The following CD96 variants were observed in gnomAD, a reference collection of about 807,000 sequenced individuals.
The protein encoded by CD96 is CD96 molecule.
In CD96, 70 loss-of-function variants were observed where a neutral mutation model predicts 71.3. The ratio of observed to expected loss-of-function variants is 0.98; its 90% CI spans 0.81 to 1.20. CD96 has a LOEUF of 1.20. Among genes scored for constraint, CD96 ranks in the 50% most tolerant of loss-of-function variants. CD96 has a pLI of 0.00. For missense variants in CD96, 742 were observed against 677.5 expected (o/e 1.10, Z -1.06); for synonymous variants, 248 against 233.0 (o/e 1.06, Z -0.59).
At chr3:111,655,672 T>C (rs1940211792), downstream of CD96, among the ~76,000 whole-genome samples, 1 of 152,060 alleles carries the variant, frequency 6.6e-6, no homozygotes, top group Non-Finnish European at 1.5e-5. Context: ...TAATATAATT[T>C]ACCATATAAA....
intron 14 of CD96, among the ~76,000 whole-genome samples, chr3:111,662,421 G>C (rs1006575717): frequency 1.5e-4 from 23 of 152,192 alleles, no homozygotes; most frequent in Non-Finnish European, 3.2e-4. Context: ...CCCAGAAAAT[G>C]GATTTTTCTT....
At chr3:111,601,291 T>C (rs1383220272) in intron 7 of CD96, among the ~76,000 whole-genome samples, 1 of 152,166 alleles carries the variant, frequency 6.6e-6, no homozygotes, top group Non-Finnish European at 1.5e-5. Flanking sequence ...TTCTGCATCA[T>C]TAGAAACATT....
intron 12 of CD96, among the ~76,000 whole-genome samples, chr3:111,647,081 T>A (rs1315815257): frequency 9.5e-4 from 92 of 97,292 alleles, no homozygotes; most frequent in Middle Eastern, 6.8e-3. Context: ...GAGAGGAGGG[T>A]AAAGATTAAA....
intron 12 of CD96, among the ~76,000 whole-genome samples, chr3:111,638,397 C>T (rs780210768): frequency 1.3e-5 from 2 of 152,066 alleles, no homozygotes; most frequent in African/African-American, 2.4e-5. Flanking sequence ...CAGGGTCAAA[C>T]AGGAAGTTCT....
At chr3:111,607,687 C>G (rs1399397146) in intron 8 of CD96, among the ~76,000 whole-genome samples, 1 of 152,142 alleles carries the variant, frequency 6.6e-6, no homozygotes, top group Admixed American at 6.5e-5. Flanking sequence ...GGCTGGTAAC[C>G]TTTGGCATGT....
At chr3:111,547,409 A>T (rs1489909256) in intron 2 of CD96, among the ~76,000 whole-genome samples, 1 of 149,820 alleles carries the variant, frequency 6.7e-6, no homozygotes, top group East Asian at 1.9e-4. Context: ...CCTTGGTTTC[A>T]TACATAGTTT....
chr3:111,586,556 A>G (rs1288010147), intron 5 of CD96, among the ~76,000 whole-genome samples: 1 of 152,220 alleles, frequency 6.6e-6, no homozygotes, highest in Middle Eastern at 3.2e-3. Flanking sequence ...GGTAATTTAT[A>G]CAGGGAAAAG....
chr3:111,660,424 TAA>T, intron 14 of CD96, among the ~76,000 whole-genome samples: 1 of 152,206 alleles, frequency 6.6e-6, no homozygotes, highest in Non-Finnish European at 1.5e-5. Flanking sequence ...CAATATTTTT[TAA>T]ATGGCCATAC....
At chr3:111,582,160 T>C (rs927161448) in intron 4 of CD96, among the ~76,000 whole-genome samples, 1 of 152,224 alleles carries the variant, frequency 6.6e-6, no homozygotes. Flanking sequence ...CAATAAATCA[T>C]TATGCAAAGA....
At chr3:111,607,490 C>G (rs1010093278) in intron 8 of CD96, among the ~76,000 whole-genome samples, 7 of 152,122 alleles carry the variant, frequency 4.6e-5, no homozygotes, top group African/African-American at 1.7e-4. Flanking sequence ...CATAAATTCC[C>G]ACGTCTGTGG....
rs568155531 is a variant in CD96 at position 111,593,667 on chromosome 3, G to A, written c.808-4453G>A. 15 of 1,610,622 alleles carry A rather than the reference G, an allele frequency of 9.3e-6. No homozygotes were observed. The Admixed American group carries it at 1.2e-4, about 13-fold the overall frequency. On this transcript the variant is annotated intron_variant, in intron 5 of 13. Coordinates refer to ENST00000352690, the MANE Select transcript of CD96 (RefSeq NM_005816.5). ...GCCCTTTCCACCTCCTCCAGGGCTCGCTCCCTTTTTTCCACAGCCCTCTCC... is the reference window on the plus strand; with the variant it reads ...GCCCTTTCCACCTCCTCCAGGGCTCACTCCCTTTTTTCCACAGCCCTCTCC...
intron 7 of CD96, among the ~76,000 whole-genome samples, chr3:111,604,330 G>A (rs1350437174): frequency 6.6e-6 from 1 of 152,158 alleles, no homozygotes; most frequent in African/African-American, 2.4e-5. Context: ...TATGGTAAAT[G>A]CAATGATCTG....
intron 5 of CD96, among the ~76,000 whole-genome samples, chr3:111,587,626 C>G (rs867118194): frequency 6.6e-6 from 1 of 152,236 alleles, no homozygotes; most frequent in Admixed American, 6.5e-5. Flanking sequence ...TCCTTTTGCA[C>G]TGCCCTAGGT....
chr3:111,658,937 T>A (rs968868915), intron 14 of CD96, among the ~76,000 whole-genome samples: 1 of 152,208 alleles, frequency 6.6e-6, no homozygotes, highest in Admixed American at 6.5e-5. Flanking sequence ...CCTCCTCAAT[T>A]TTCTGGAATA....
chr3:111,557,057 T>C (rs1935098890), intron 2 of CD96, among the ~76,000 whole-genome samples: 1 of 119,032 alleles, frequency 8.4e-6, no homozygotes, highest in Admixed American at 8.1e-5. Flanking sequence ...GGGTTGTTTG[T>C]TTTTTTCTTG....
intron 5 of CD96, among the ~76,000 whole-genome samples, chr3:111,587,306 G>C (rs1201161952): frequency 1.3e-5 from 2 of 152,182 alleles, no homozygotes; most frequent in African/African-American, 4.8e-5. Context: ...AGCTTTTCCA[G>C]GCACACAGTG....
At chr3:111,638,732 G>C (rs1227193221) in intron 12 of CD96, among the ~76,000 whole-genome samples, 1 of 152,198 alleles carries the variant, frequency 6.6e-6, no homozygotes, top group African/African-American at 2.4e-5. Flanking sequence ...CACTTGACTA[G>C]TGAATGCCAC....
intron 13 of CD96, among the ~76,000 whole-genome samples, chr3:111,649,124 A>G (rs1939964208): frequency 6.6e-6 from 1 of 152,184 alleles, no homozygotes; most frequent in Non-Finnish European, 1.5e-5. Flanking sequence ...GTTAGCAAAG[A>G]GGCTGTATGA....
At chr3:111,548,319 A>G (rs1934519620) in intron 2 of CD96, among the ~76,000 whole-genome samples, 1 of 152,138 alleles carries the variant, frequency 6.6e-6, no homozygotes. Context: ...CCAAGGGCCT[A>G]GCTGTGAAAG....
Sources: allele counts gnomAD v4.1 joint callset (sites outside exome capture counted in the v4.1 genomes callset), GRCh38; gene constraint gnomAD v4.1.1; transcripts MANE v1.5; gene names NCBI Gene and HGNC (gene_info 2026-07-23, HGNC 2026-07-21).